The following SH3PXD2B variants were observed in gnomAD, a reference collection of about 807,000 sequenced individuals.
The protein encoded by SH3PXD2B is SH3 and PX domains 2B.
Under a neutral mutation model 73.1 loss-of-function variants are expected in SH3PXD2B, and 37 were observed. That is an observed-to-expected ratio of 0.51 (90% CI 0.39 to 0.67). The LOEUF is 0.67. Among genes scored for constraint, SH3PXD2B ranks in the 30% least tolerant of loss-of-function variants. The probability of loss-of-function intolerance (pLI) is 0.00; values close to 1 mark genes in which losing one functional copy is unlikely to be tolerated. For missense variants in SH3PXD2B, 1,053 were observed against 1,197.8 expected (o/e 0.88, Z 1.78); for synonymous variants, 457 against 480.5 (o/e 0.95, Z 0.64).
chr5:172,335,197 G>A lies in SH3PXD2B; in HGVS notation c.*3172C>T, dbSNP rs2113236897. On this transcript the variant is annotated 3_prime_UTR_variant, in exon 13 of 13. Coordinates refer to ENST00000311601, the MANE Select transcript of SH3PXD2B (RefSeq NM_001017995.3). Reference sequence around the variant, plus strand: ...CTGTCCGTTTGCCCTGGGATGTAAGGTAAAGTAGTTGTCACAATTGTGTTA... The same window carrying A: ...CTGTCCGTTTGCCCTGGGATGTAAGATAAAGTAGTTGTCACAATTGTGTTA... 9.9e-7 allele frequency: 1 copy of A among 1,005,832 alleles called. No homozygotes were observed. The highest frequency in any genetic ancestry group is 1.2e-6 in the Non-Finnish European group (1 of 843,980). The allele number at this position is 1,005,832 out of a possible 1,614,324, so 62.3% of individuals were successfully genotyped here. A position where few individuals can be genotyped will look rare whatever the true frequency, so the allele number is the denominator to read the frequency against.
chr5:172,430,868 CTTTT>C (rs5873323), intron 1 of SH3PXD2B, among the ~76,000 whole-genome samples: 18 of 149,526 alleles, frequency 1.2e-4, no homozygotes, highest in Non-Finnish European at 2.2e-4. Flanking sequence ...TTCTTTCTTT[CTTTT>C]TTTTTTTCTT....
chr5:172,349,900 A>C, intron 10 of SH3PXD2B, among the ~76,000 whole-genome samples: 1 of 151,740 alleles, frequency 6.6e-6, no homozygotes. Flanking sequence ...CCCAGGCTGG[A>C]GCGCGAGTGC....
At chr5:172,425,512 C>T (rs79554556) in intron 1 of SH3PXD2B, among the ~76,000 whole-genome samples, 15,023 of 151,790 alleles carry the variant, frequency 0.099, 830 homozygotes, top group South Asian at 0.21. Context: ...GAGGAAAGGG[C>T]GTACAGGGAA....
chr5:172,394,422 TAATG>T (rs1240570683), intron 4 of SH3PXD2B, 137 bp downstream of exon 4: 1 of 820,784 alleles, frequency 1.2e-6, no homozygotes, highest in South Asian at 1.5e-5. Context: ...AGTTGAATGA[TAATG>T]AATGATTTTC....
At chr5:172,419,531 G>T (rs940096248) in intron 2 of SH3PXD2B, among the ~76,000 whole-genome samples, 62 of 152,242 alleles carry the variant, frequency 4.1e-4, no homozygotes, top group Non-Finnish European at 1.5e-4. Flanking sequence ...TGCTCACTGG[G>T]GGTTGCTCTT....
intron 1 of SH3PXD2B, among the ~76,000 whole-genome samples, chr5:172,440,476 G>A (rs1759531472): frequency 6.6e-6 from 1 of 152,096 alleles, no homozygotes; most frequent in African/African-American, 2.4e-5. Context: ...GGGCAGGAGA[G>A]CTCAGGAAGA....
chr5:172,341,836 T>C (rs1212564607), intron 12 of SH3PXD2B, among the ~76,000 whole-genome samples: 1 of 151,840 alleles, frequency 6.6e-6, no homozygotes, highest in Non-Finnish European at 1.5e-5. Context: ...TTTTTGTATT[T>C]TTAGTAGAGA....
chr5:172,367,284 G>C (rs1400581650), intron 6 of SH3PXD2B, among the ~76,000 whole-genome samples: 1 of 151,696 alleles, frequency 6.6e-6, no homozygotes, highest in Non-Finnish European at 1.5e-5. Flanking sequence ...TTTAAAAGAT[G>C]TGTCAGAACA....
intron 12 of SH3PXD2B, among the ~76,000 whole-genome samples, chr5:172,326,265 T>C (rs1307836429): frequency 1.3e-5 from 2 of 152,214 alleles, no homozygotes; most frequent in Non-Finnish European, 2.9e-5. Flanking sequence ...AAATTTAATA[T>C]AGTGAAGTTC....
chr5:172,396,267 A>T (rs1411109103), intron 3 of SH3PXD2B, among the ~76,000 whole-genome samples: 1 of 151,068 alleles, frequency 6.6e-6, no homozygotes, highest in Non-Finnish European at 1.5e-5. Flanking sequence ...CCAGCTACTC[A>T]GGAAGCTAAG....
At chr5:172,345,116 AGGAAGGAG>A (rs1479215398) in intron 12 of SH3PXD2B, among the ~76,000 whole-genome samples, 1 of 151,088 alleles carries the variant, frequency 6.6e-6, no homozygotes, top group African/African-American at 2.4e-5. Flanking sequence ...GAAGAAGGGA[AGGAAGGAG>A]GGAAGGAAGG....
chr5:172,444,754 G>T (rs891692231), intron 1 of SH3PXD2B, among the ~76,000 whole-genome samples: 1 of 152,082 alleles, frequency 6.6e-6, no homozygotes, highest in Admixed American at 6.5e-5. Context: ...CCCATGAAGG[G>T]CTCTTCTACC....
intron 3 of SH3PXD2B, among the ~76,000 whole-genome samples, chr5:172,401,104 T>C (rs1354621397): frequency 1.3e-5 from 2 of 152,232 alleles, no homozygotes; most frequent in Non-Finnish European, 1.5e-5. Context: ...CAACAAGGCA[T>C]TGATCAAAAA....
At chr5:172,359,282 G>A (rs1018313046) in intron 7 of SH3PXD2B, among the ~76,000 whole-genome samples, 1 of 150,156 alleles carries the variant, frequency 6.7e-6, no homozygotes, top group Non-Finnish European at 1.5e-5. Flanking sequence ...AGCTACTCGG[G>A]AGGCTGAGTT....
At chr5:172,417,095 T>C (rs928970210) in intron 2 of SH3PXD2B, among the ~76,000 whole-genome samples, 1 of 152,148 alleles carries the variant, frequency 6.6e-6, no homozygotes, top group Non-Finnish European at 1.5e-5. Context: ...TCTGCCTGAA[T>C]GTCCTGCCCC....
chr5:172,397,415 C>T (rs1461644941), intron 3 of SH3PXD2B, among the ~76,000 whole-genome samples: 1 of 152,250 alleles, frequency 6.6e-6, no homozygotes, highest in South Asian at 2.1e-4. Context: ...TATTTTATTA[C>T]CTTGTGAAGC....
intron 2 of SH3PXD2B, among the ~76,000 whole-genome samples, chr5:172,407,145 A>G (rs1283563476): frequency 6.6e-6 from 1 of 152,232 alleles, no homozygotes; most frequent in Non-Finnish European, 1.5e-5. Context: ...AGTCTGCCAT[A>G]AGGACACTGA....
chr5:172,343,263 G>A (rs1255139861), intron 12 of SH3PXD2B, among the ~76,000 whole-genome samples: 2 of 152,172 alleles, frequency 1.3e-5, no homozygotes, highest in African/African-American at 2.4e-5. Flanking sequence ...AAAATTACAG[G>A]CCACACTGGG....
chr5:172,356,747 CG>C (rs1757286163), intron 8 of SH3PXD2B: 1 of 152,336 alleles, frequency 6.6e-6, no homozygotes, highest in Non-Finnish European at 1.5e-5. Flanking sequence ...GCCCACCGGC[CG>C]GGGCAGAGAC....
Sources: allele counts gnomAD v4.1 joint callset (sites outside exome capture counted in the v4.1 genomes callset), GRCh38; gene constraint gnomAD v4.1.1; transcripts MANE v1.5; gene names NCBI Gene and HGNC (gene_info 2026-07-23, HGNC 2026-07-21).